The following DACH2 variants were observed in gnomAD, a reference collection of about 807,000 sequenced individuals.
DACH2 encodes the protein dachshund family transcription factor 2, also known as dachshund homolog 2.
A neutral mutation model predicts 35.8 loss-of-function variants in DACH2; 17 were observed. The ratio of observed to expected loss-of-function variants is 0.48; its 90% CI spans 0.33 to 0.71. The LOEUF (loss-of-function observed/expected upper bound fraction) is 0.71. DACH2 is among the 30% of genes least tolerant of loss of function. DACH2 has a pLI of 0.02. For missense variants in DACH2, 469 were observed against 472.7 expected, an observed-to-expected ratio of 0.99 and a Z score of 0.07; for synonymous variants, 195 against 177.3, an observed-to-expected ratio of 1.10 and a Z score of -0.79.
intron 1 of DACH2, among the ~76,000 whole-genome samples, chrX:86,355,479 G>T (rs1329411211): frequency 8.9e-6 from 1 of 111,836 alleles, no homozygotes; most frequent in Non-Finnish European, 1.9e-5. Flanking sequence ...CTGACCAATA[G>T]TGTATAAGCA....
chrX:86,261,527 G>T (rs182320297), intron 1 of DACH2, among the ~76,000 whole-genome samples: 3 of 111,598 alleles, frequency 2.7e-5, no homozygotes, highest in Admixed American at 1.9e-4. Flanking sequence ...AGGGATAAAG[G>T]CTTGATTTTA....
chrX:86,654,149 A>G (rs2040511401), intron 4 of DACH2, among the ~76,000 whole-genome samples: 1 of 89,784 alleles, frequency 1.1e-5, no homozygotes, highest in African/African-American at 4.2e-5. Flanking sequence ...AACTGCTTCT[A>G]GTTCATCATC....
intron 1 of DACH2, among the ~76,000 whole-genome samples, chrX:86,313,768 C>A (rs1424685275): frequency 9.0e-6 from 1 of 111,447 alleles, no homozygotes; most frequent in Non-Finnish European, 1.9e-5. Flanking sequence ...GAAGACATAC[C>A]TCATTTTATT....
At chrX:86,781,456 A>C (rs1475294149) in intron 7 of DACH2, among the ~76,000 whole-genome samples, 1 of 111,650 alleles carries the variant, frequency 9.0e-6, no homozygotes, top group Admixed American at 9.5e-5. Context: ...TGTCAAATGC[A>C]TTTATTTTGC....
At chrX:86,204,815 C>G (rs2032243719) in intron 1 of DACH2, among the ~76,000 whole-genome samples, 1 of 111,688 alleles carries the variant, frequency 9.0e-6, no homozygotes, top group Admixed American at 9.5e-5. Context: ...AGATATTATT[C>G]CTATTTTATA....
At chrX:86,259,674 GCA>G (rs2033589446) in intron 1 of DACH2, among the ~76,000 whole-genome samples, 1 of 111,908 alleles carries the variant, frequency 8.9e-6, no homozygotes, top group Non-Finnish European at 1.9e-5. Flanking sequence ...ATAGTGTCTT[GCA>G]CATAGTAGGA....
intron 4 of DACH2, among the ~76,000 whole-genome samples, chrX:86,655,337 G>C (rs1267635878): frequency 1.8e-5 from 2 of 112,138 alleles, no homozygotes; most frequent in Admixed American, 1.9e-4. Flanking sequence ...TGAGTGGGCT[G>C]TGAGGTATCC....
chrX:86,160,921 G>T, intron 1 of DACH2: 1 of 696,280 alleles, frequency 1.4e-6, no homozygotes, highest in Admixed American at 2.3e-5. Context: ...AGGCGCAAGG[G>T]CTTGTCAGTT....
intron 4 of DACH2, among the ~76,000 whole-genome samples, chrX:86,679,005 T>C (rs2040850453): frequency 9.0e-6 from 1 of 111,667 alleles, no homozygotes; most frequent in Admixed American, 9.6e-5. Flanking sequence ...CTCTCCTTCT[T>C]TGGCTACACC....
chrX:86,171,267 A>G (rs1395279540), intron 1 of DACH2, among the ~76,000 whole-genome samples: 1 of 110,989 alleles, frequency 9.0e-6, no homozygotes, highest in Non-Finnish European at 1.9e-5. Flanking sequence ...GGTGTCTCTC[A>G]GAACCAGGAG....
intron 7 of DACH2, among the ~76,000 whole-genome samples, chrX:86,801,012 G>GA (rs900968017): frequency 9.1e-5 from 10 of 110,366 alleles, no homozygotes; most frequent in Admixed American, 4.9e-4. Context: ...CACAGGACAA[G>GA]AAAAAAAATG....
intron 3 of DACH2, among the ~76,000 whole-genome samples, chrX:86,597,953 G>A (rs1369543200): frequency 9.0e-6 from 1 of 111,691 alleles, no homozygotes; most frequent in African/African-American, 3.3e-5. Flanking sequence ...CGTGGCTGGG[G>A]AGGCCTCGCA....
chrX:86,570,042 C>T (rs1251791183), intron 3 of DACH2, among the ~76,000 whole-genome samples: 5 of 111,415 alleles, frequency 4.5e-5, no homozygotes, highest in Non-Finnish European at 9.4e-5. Context: ...CAATGAGATA[C>T]CAGCTCATGC....
intron 2 of DACH2, among the ~76,000 whole-genome samples, chrX:86,512,237 C>G (rs1285978789): frequency 9.1e-6 from 1 of 110,252 alleles, no homozygotes; most frequent in Non-Finnish European, 1.9e-5. Flanking sequence ...ATATGGTCCT[C>G]CTGGATTTTA....
chrX:86,299,303 C>T lies in DACH2; in HGVS notation c.489-77521C>T, dbSNP rs2034528740. 2.7e-5 allele frequency among the ~76,000 whole-genome samples: 3 copies of T among 111,379 alleles called. No homozygotes were observed. The Admixed American group carries it at 2.9e-4, about 11-fold the overall frequency. On this transcript the variant is annotated intron_variant, in intron 1 of 11. Transcript: ENST00000373125. The stretch of plus-strand genomic sequence containing the variant: ...AATAAGAGACAATTTTGTTATGACT[C>T]TTATGTTACACTGTGATGCAGTTCT...
intron 3 of DACH2, among the ~76,000 whole-genome samples, chrX:86,564,413 G>A (rs746690987): frequency 9.0e-6 from 1 of 110,803 alleles, no homozygotes; most frequent in Non-Finnish European, 1.9e-5. Flanking sequence ...GAAATAGTAA[G>A]TAAGTGGGAA....
At chrX:86,808,753 TA>T (rs2147346038) in intron 7 of DACH2, among the ~76,000 whole-genome samples, 1 of 110,762 alleles carries the variant, frequency 9.0e-6, no homozygotes, top group South Asian at 3.8e-4. Context: ...GATGACCTGG[TA>T]GGTAGCTACA....
At chrX:86,665,151 A>C (rs1035850055) in intron 4 of DACH2, among the ~76,000 whole-genome samples, 1 of 112,301 alleles carries the variant, frequency 8.9e-6, no homozygotes, top group South Asian at 3.6e-4. Context: ...TCAGCATGCC[A>C]TTTATAAACA....
intron 3 of DACH2, among the ~76,000 whole-genome samples, chrX:86,552,642 A>C (rs1316042056): frequency 8.9e-6 from 1 of 112,359 alleles, no homozygotes; most frequent in Non-Finnish European, 1.9e-5. Context: ...TTAGCTGCAC[A>C]TGTAGTCAAG....
Sources: gnomAD v4.1 joint callset for allele counts (sites outside exome capture counted in the v4.1 genomes callset) on GRCh38, gnomAD v4.1.1 for gene constraint, MANE v1.5 for transcripts, NCBI Gene and HGNC (gene_info 2026-07-23, HGNC 2026-07-21) for gene names.